The following FER variants were observed in gnomAD, a reference collection of about 807,000 sequenced individuals.
FER encodes the protein FER tyrosine kinase.
A neutral mutation model predicts 111.0 loss-of-function variants in FER; 63 were observed. The observed-to-expected ratio is 0.57, with a 90% confidence interval of 0.46 to 0.70. FER has a LOEUF of 0.70. Ranked by LOEUF, FER falls within the 30% of genes least tolerant of loss-of-function variation. The probability of loss-of-function intolerance (pLI) is 0.00; values close to 1 mark genes in which losing one functional copy is unlikely to be tolerated. For synonymous variants in FER, 327 were observed against 313.9 expected (o/e 1.04, Z -0.44); for missense variants, 914 against 954.0 (o/e 0.96, Z 0.55).
intron 1 of FER, among the ~76,000 whole-genome samples, chr5:108,758,606 A>G (rs1326940799): frequency 3.9e-5 from 6 of 152,106 alleles, no homozygotes; most frequent in Non-Finnish European, 7.4e-5. Context: ...GTTCTAGCAA[A>G]AGTTCCAGGA....
intron 2 of FER, among the ~76,000 whole-genome samples, chr5:108,790,844 T>TA (rs1277049287): frequency 2.0e-5 from 3 of 152,240 alleles, no homozygotes; most frequent in Admixed American, 6.5e-5. Context: ...GATCAACTAG[T>TA]AATCTAGTTT....
intron 17 of FER, among the ~76,000 whole-genome samples, chr5:109,127,569 AT>A (rs983624621): frequency 1.3e-5 from 2 of 150,524 alleles, no homozygotes; most frequent in African/African-American, 2.4e-5. Flanking sequence ...ACATCAGCTA[AT>A]TTTTTTTTGT....
intron 5 of FER, among the ~76,000 whole-genome samples, chr5:108,860,010 C>T (rs976662619): frequency 4.6e-5 from 7 of 151,228 alleles, no homozygotes; most frequent in Admixed American, 1.3e-4. Context: ...TGTGCGATCT[C>T]GGCTCACTGC....
At chr5:108,886,651 G>A (rs927729313) in intron 9 of FER, among the ~76,000 whole-genome samples, 1 of 151,456 alleles carries the variant, frequency 6.6e-6, no homozygotes, top group African/African-American at 2.4e-5. Context: ...CATATTATTT[G>A]CTTGATCTTA....
chr5:109,081,588 A>T (rs192230823), intron 16 of FER, among the ~76,000 whole-genome samples: 2 of 152,010 alleles, frequency 1.3e-5, no homozygotes, highest in Non-Finnish European at 2.9e-5. Context: ...TATTCTCAGT[A>T]TTATATTGAA....
rs139253206 is a variant in FER, at chr5:109,185,453, T to A, written c.2204-747T>A. ...GAAACTTTCCTAATTGCTTTAAGTT[T>A]GTTTGTAATTTTAATGGAAAGAAAA... is the stretch of plus-strand genomic sequence containing the variant. On this transcript the variant is annotated intron_variant, in intron 18 of 19. Transcript: ENST00000281092. Among the ~76,000 whole-genome samples, 274 of 152,324 alleles carry A rather than the reference T, an allele frequency of 1.8e-3. 1 individual carries two copies. The highest frequency in any genetic ancestry group is 6.1e-3 in the African/African-American group (254 of 41,572).
chr5:109,165,405 A>C (rs1582343628), intron 17 of FER, among the ~76,000 whole-genome samples: 2 of 152,276 alleles, frequency 1.3e-5, no homozygotes, highest in Admixed American at 1.3e-4. Flanking sequence ...TCCTCGGAGT[A>C]TGGCATTTGC....
chr5:109,047,147 G>A lies in FER; in HGVS notation c.1873G>A (p.Gly625Arg). The change falls in exon 16 of 20, where the codon GGA (glycine) becomes AGA (arginine). Residue 625 changes from glycine to arginine, a missense_variant. Around this residue, in one of 3 missense-constraint regions of FER, gnomAD observed 774 missense variants for 782.6 expected, o/e 0.99. Transcript: ENST00000281092. Reference protein sequence around the residue: ...YDHPNIVKLIGVCTQRQPVYI... With the variant: ...YDHPNIVKLIRVCTQRQPVYI... ...TCATCCCAATATTGTCAAACTTATA[G>A]GAGTTTGCACACAAAGACAGCCTGT... The A allele has an allele frequency of 6.2e-7, 1 of 1,608,568 alleles. No individual in the cohort carries two copies.
chr5:109,165,086 A>G (rs1463066316), intron 17 of FER, among the ~76,000 whole-genome samples: 1 of 152,176 alleles, frequency 6.6e-6, no homozygotes, highest in Non-Finnish European at 1.5e-5. Flanking sequence ...TAAAAGTTCC[A>G]TGAGGACATG....
chr5:109,098,896 G>A (rs536948382), intron 16 of FER, among the ~76,000 whole-genome samples: 2 of 151,616 alleles, frequency 1.3e-5, no homozygotes, highest in African/African-American at 2.4e-5. Context: ...TAAGAGAAAA[G>A]GTTAGAAAAG....
At chr5:109,109,922 T>G (rs978018716) in intron 17 of FER, among the ~76,000 whole-genome samples, 2 of 152,108 alleles carry the variant, frequency 1.3e-5, no homozygotes, top group African/African-American at 4.8e-5. Context: ...CTATGTAGGT[T>G]TGTTGAATGT....
At chr5:109,172,574 T>G (rs1191169545) in intron 17 of FER, among the ~76,000 whole-genome samples, 1 of 151,098 alleles carries the variant, frequency 6.6e-6, no homozygotes, top group Non-Finnish European at 1.5e-5. Context: ...GCATGGCACA[T>G]GTATACATAT....
intron 13 of FER, among the ~76,000 whole-genome samples, chr5:108,961,469 C>G (rs893249694): frequency 6.6e-6 from 1 of 150,656 alleles, no homozygotes; most frequent in African/African-American, 2.4e-5. Context: ...GTTTTTCCAA[C>G]CCCCAACACT....
chr5:109,068,382 C>A (rs1197230868), intron 16 of FER, among the ~76,000 whole-genome samples: 1 of 152,074 alleles, frequency 6.6e-6, no homozygotes, highest in African/African-American at 2.4e-5. Flanking sequence ...TGGGGTTTCA[C>A]CATATTGGCC....
chr5:109,139,350 C>CT (rs59092426), intron 17 of FER, among the ~76,000 whole-genome samples: 19 of 91,082 alleles, frequency 2.1e-4, no homozygotes, highest in South Asian at 7.9e-4. Context: ...TTCTTTCTTT[C>CT]TTTTTTTTTT....
chr5:108,846,802 C>G (rs1762076370), intron 5 of FER, among the ~76,000 whole-genome samples: 6 of 152,058 alleles, frequency 3.9e-5, no homozygotes, highest in Admixed American at 1.3e-4. Flanking sequence ...CCATGATGGT[C>G]TCGATCTCCT....
chr5:109,055,568 T>C (rs990728093), intron 16 of FER, among the ~76,000 whole-genome samples: 2 of 151,752 alleles, frequency 1.3e-5, no homozygotes, highest in Non-Finnish European at 2.9e-5. Flanking sequence ...AGGAGGACTG[T>C]TGGATCCAGG....
chr5:108,836,311 G>A (rs2150141603), intron 5 of FER, among the ~76,000 whole-genome samples: 1 of 152,082 alleles, frequency 6.6e-6, no homozygotes, highest in South Asian at 2.1e-4. Flanking sequence ...TATTATTTAT[G>A]TTTCAAACAG....
At position 108,950,750 on chromosome 5, in the gene FER, A is replaced by G. The variant is rs1051195118; in HGVS notation, c.1330-3979A>G. 1.4e-4 allele frequency among the ~76,000 whole-genome samples: 21 copies of G among 152,254 alleles called. No homozygotes were observed. In the East Asian group the frequency reaches 4.1e-3, roughly 29 times the overall value. Reference sequence around the variant, plus strand: ...ATTAAACATTTAGTATATCTGTACAAATAAAAAAATTATGTTCAACTATCA... The same window carrying G: ...ATTAAACATTTAGTATATCTGTACAGATAAAAAAATTATGTTCAACTATCA... On this transcript the variant is annotated intron_variant, in intron 11 of 19. Transcript: ENST00000281092.
Sources: gnomAD v4.1 joint callset for allele counts (sites outside exome capture counted in the v4.1 genomes callset) on GRCh38, gnomAD v4.1.1 for gene constraint, gnomAD v4.1.1 regional missense constraint, MANE v1.5 for transcripts, NCBI Gene and HGNC (gene_info 2026-07-23, HGNC 2026-07-21) for gene names.